The following CRISPLD2 variants were observed in gnomAD, a reference collection of about 807,000 sequenced individuals.
The protein encoded by CRISPLD2 is cysteine rich secretory protein LCCL domain containing 2.
A neutral mutation model predicts 71.1 loss-of-function variants in CRISPLD2; 47 were observed. The ratio of observed to expected loss-of-function variants is 0.66; its 90% CI spans 0.52 to 0.84. The LOEUF is 0.84. Among genes scored for constraint, CRISPLD2 ranks in the 40% least tolerant of loss-of-function variants. CRISPLD2 has a pLI of 0.00. For missense variants in CRISPLD2, 830 were observed against 651.1 expected (o/e 1.27, Z -2.99); for synonymous variants, 317 against 250.1 (o/e 1.27, Z -2.52).
At chr16:84,849,744 C>G (rs932347391) in intron 4 of CRISPLD2, among the ~76,000 whole-genome samples, 51 of 149,678 alleles carry the variant, frequency 3.4e-4, no homozygotes, top group Admixed American at 1.6e-3. Flanking sequence ...GAGGCAGTGT[C>G]TCCCTGCTAC....
At chr16:84,904,560 G>C (rs1048270960) in intron 14 of CRISPLD2, among the ~76,000 whole-genome samples, 3 of 151,060 alleles carry the variant, frequency 2.0e-5, no homozygotes, top group African/African-American at 7.3e-5. Flanking sequence ...CTCCAGCCTG[G>C]GCAACAGAGC....
intron 12 of CRISPLD2, 48 bp from the exon 13 acceptor site, chr16:84,880,461 T>C: frequency 6.9e-7 from 1 of 1,447,454 alleles, no homozygotes; most frequent in Non-Finnish European, 9.5e-7. Flanking sequence ...TTAAGAAGTT[T>C]GGTTTTCTGT....
At chr16:84,847,378 A>G (rs539188491) in intron 3 of CRISPLD2, among the ~76,000 whole-genome samples, 78 of 152,252 alleles carry the variant, frequency 5.1e-4, no homozygotes, top group Non-Finnish European at 9.0e-4. Context: ...CAGGCTGGGC[A>G]AGGTGGCTCA....
intron 1 of CRISPLD2, among the ~76,000 whole-genome samples, chr16:84,837,237 G>T (rs143591080): frequency 1.4e-4 from 22 of 152,326 alleles, no homozygotes; most frequent in African/African-American, 3.6e-4. Flanking sequence ...GGAGGAGGAG[G>T]TCTGTGGTTC....
chr16:84,901,313 C>T (rs909961449), intron 14 of CRISPLD2, among the ~76,000 whole-genome samples: 1 of 152,246 alleles, frequency 6.6e-6, no homozygotes, highest in Non-Finnish European at 1.5e-5. Flanking sequence ...AAGATCTAAA[C>T]ATCTCTCCTC....
chr16:84,895,890 A>T lies in CRISPLD2; in HGVS notation c.1439+6527A>T, dbSNP rs2071701494. 3.9e-5 allele frequency among the ~76,000 whole-genome samples: 6 copies of T among 152,282 alleles called. No individual in the cohort carries two copies. The South Asian group carries it at 1.2e-3, about 32-fold the overall frequency. On this transcript the variant is annotated intron_variant, in intron 14 of 14. Transcript: ENST00000262424. ...AAGGAGTGGGCACTTTGAGGAACCCAGTTTACAGATGGGGAAACTGAGGCT... is the reference window on the plus strand; with the variant it reads ...AAGGAGTGGGCACTTTGAGGAACCCTGTTTACAGATGGGGAAACTGAGGCT...
chr16:84,838,432 C>T lies in CRISPLD2; in HGVS notation c.-64C>T. On this transcript the variant is annotated 5_prime_UTR_variant, in exon 2 of 15. Transcript: ENST00000262424. Reference sequence around the variant, plus strand: ...TCTGCTTCCTTTCAGAGCTCAAGCGCCCAGCTCTGCCCGAGGAGCCCAGGC... The same window carrying T: ...TCTGCTTCCTTTCAGAGCTCAAGCGTCCAGCTCTGCCCGAGGAGCCCAGGC... 2 of 1,571,616 alleles carry T rather than the reference C, an allele frequency of 1.3e-6. No individual in the cohort carries two copies. Among genetic ancestry groups the T allele is most frequent in the Non-Finnish European group, 8.6e-7 (1 of 1,157,590 alleles).
At chr16:84,842,467 C>T (rs1003245221) in intron 2 of CRISPLD2, among the ~76,000 whole-genome samples, 4 of 151,284 alleles carry the variant, frequency 2.6e-5, no homozygotes, top group African/African-American at 9.7e-5. Context: ...CTCCACTTCC[C>T]GGTTCAAGCG....
At chr16:84,845,609 G>T (rs1055002358) in intron 2 of CRISPLD2, among the ~76,000 whole-genome samples, 177 bp from the exon 3 acceptor site, 1 of 152,268 alleles carries the variant, frequency 6.6e-6, no homozygotes, top group Non-Finnish European at 1.5e-5. Flanking sequence ...GATAGGCTTG[G>T]AGCCGGCACG....
chr16:84,872,514 T>A lies in CRISPLD2; in HGVS notation c.981+6T>A, dbSNP rs748066080. The A allele has an allele frequency of 3.7e-6, 6 of 1,612,418 alleles. No homozygotes were observed. The highest frequency in any genetic ancestry group is 5.1e-6 in the Non-Finnish European group (6 of 1,178,912). ...GAACTCTGTTCTATGAAAGCGTGAG[T>A]GTGGCCAGTCCTCCTCTCAATGGCT... On this transcript the variant is annotated splice_donor_region_variant and intron_variant, in intron 9 of 14. Coordinates refer to ENST00000262424, the MANE Select transcript of CRISPLD2 (RefSeq NM_031476.4).
chr16:84,881,949 C>G (rs2071572092), intron 13 of CRISPLD2, among the ~76,000 whole-genome samples: 2 of 152,182 alleles, frequency 1.3e-5, no homozygotes, highest in African/African-American at 4.8e-5. Context: ...GCTTATCTCC[C>G]CCCATCTTTT....
chr16:84,889,400 C>T (rs200883677), intron 14 of CRISPLD2, 37 bp downstream of exon 14: 401 of 1,579,360 alleles, frequency 2.5e-4, no homozygotes, highest in Admixed American at 1.2e-3. Flanking sequence ...CACCCAATCC[C>T]GGCTGCTAAT....
intron 14 of CRISPLD2, among the ~76,000 whole-genome samples, chr16:84,901,468 C>CTT (rs564314509): frequency 1.7e-4 from 20 of 119,070 alleles, no homozygotes; most frequent in Non-Finnish European, 2.4e-4. Flanking sequence ...CCTGGCTGCA[C>CTT]TTTTTTTTTT....
At chr16:84,847,512 G>A (rs373032748) in intron 3 of CRISPLD2, among the ~76,000 whole-genome samples, 46 of 152,192 alleles carry the variant, frequency 3.0e-4, no homozygotes, top group Non-Finnish European at 5.7e-4. Context: ...TTAGCCAGGC[G>A]TGGTGGCAGG....
intron 7 of CRISPLD2, among the ~76,000 whole-genome samples, 187 bp downstream of exon 7, chr16:84,867,227 T>C (rs535172589): frequency 6.6e-6 from 1 of 152,326 alleles, no homozygotes; most frequent in East Asian, 1.9e-4. Context: ...TTAAGTCATT[T>C]CAAAAGCGAG....
intron 14 of CRISPLD2, among the ~76,000 whole-genome samples, chr16:84,901,272 G>GA (rs1017234004): frequency 3.3e-5 from 5 of 152,024 alleles, no homozygotes; most frequent in Non-Finnish European, 7.4e-5. Context: ...ATGGGTGAGG[G>GA]AAAAAATATA....
At chr16:84,898,866 C>G (rs1331437179) in intron 14 of CRISPLD2, among the ~76,000 whole-genome samples, 1 of 152,088 alleles carries the variant, frequency 6.6e-6, no homozygotes, top group Non-Finnish European at 1.5e-5. Flanking sequence ...GCACTCCAGC[C>G]TGGGCAACAT....
intron 6 of CRISPLD2, among the ~76,000 whole-genome samples, chr16:84,858,348 G>C (rs1917295894): frequency 1.3e-5 from 2 of 152,222 alleles, no homozygotes; most frequent in Admixed American, 6.5e-5. Flanking sequence ...GATGAGGAAT[G>C]TGTTGCCTCC....
At chr16:84,822,117 T>C (rs1200950703) in intron 1 of CRISPLD2, among the ~76,000 whole-genome samples, 1 of 152,130 alleles carries the variant, frequency 6.6e-6, no homozygotes, top group Non-Finnish European at 1.5e-5. Context: ...CTGGTCCCTG[T>C]TGGGGTGAGG....
Sources: gnomAD v4.1 joint callset for allele counts (sites outside exome capture counted in the v4.1 genomes callset) on GRCh38, gnomAD v4.1.1 for gene constraint, MANE v1.5 for transcripts, NCBI Gene and HGNC (gene_info 2026-07-23, HGNC 2026-07-21) for gene names.